Variants in DGKG observed in about 807,000 individuals in gnomAD.
DGKG encodes DAG kinase gamma.
Under a neutral mutation model 105.3 loss-of-function variants are expected in DGKG, and 78 were observed. The ratio of observed to expected loss-of-function variants is 0.74; its 90% CI spans 0.62 to 0.89. DGKG has a LOEUF of 0.89. Among genes scored for constraint, DGKG ranks in the 40% least tolerant of loss-of-function variants. DGKG has a pLI of 0.00. For synonymous variants in DGKG, 346 were observed against 367.1 expected, an observed-to-expected ratio of 0.94 and a Z score of 0.66; for missense variants, 958 against 1,020.1, an observed-to-expected ratio of 0.94 and a Z score of 0.83.
chr3:186,150,293 C>A lies in DGKG; in HGVS notation c.2278-105G>T, dbSNP rs193124874. 1,276 of 1,394,016 alleles carry A rather than the reference C, an allele frequency of 9.2e-4. 18 individuals are homozygous for A. The East Asian group carries it at 0.026, about 29-fold the overall frequency. The allele number at this position is 1,394,016 out of a possible 1,614,324, so 86.4% of individuals were successfully genotyped here. A position where few individuals can be genotyped will look rare whatever the true frequency, so the allele number is the denominator to read the frequency against. Reference sequence around the variant, plus strand: ...AAGGCCAGCTTCAGGATGGAAGGAGCCCCATGCAGAAGGACAACTGTCCTT... The same window carrying A: ...AAGGCCAGCTTCAGGATGGAAGGAGACCCATGCAGAAGGACAACTGTCCTT... On this transcript the variant is annotated intron_variant, in intron 24 of 24. Coordinates refer to ENST00000265022, the MANE Select transcript of DGKG (RefSeq NM_001346.3).
At chr3:186,287,230 C>T (rs1431762900) in intron 6 of DGKG, among the ~76,000 whole-genome samples, 1 of 151,776 alleles carries the variant, frequency 6.6e-6, no homozygotes, top group African/African-American at 2.4e-5. Flanking sequence ...TTGATAATAG[C>T]AAAAGGAATC....
At chr3:186,259,030 C>T (rs1212090360) in intron 16 of DGKG, among the ~76,000 whole-genome samples, 1 of 152,180 alleles carries the variant, frequency 6.6e-6, no homozygotes, top group Non-Finnish European at 1.5e-5. Flanking sequence ...GAGAAGAGCC[C>T]TGGAGCTTTC....
chr3:186,299,136 A>T (rs1460125660), intron 3 of DGKG, among the ~76,000 whole-genome samples: 1 of 152,204 alleles, frequency 6.6e-6, no homozygotes, highest in Non-Finnish European at 1.5e-5. Flanking sequence ...CTTTGATGGC[A>T]TCAGATTCTT....
At chr3:186,301,727 CA>C (rs983996805) in intron 3 of DGKG, among the ~76,000 whole-genome samples, 1 of 152,154 alleles carries the variant, frequency 6.6e-6, no homozygotes, top group African/African-American at 2.4e-5. Flanking sequence ...AAAATATTTG[CA>C]AAACTAAATT....
chr3:186,277,417 G>A (rs1030230987), intron 9 of DGKG, among the ~76,000 whole-genome samples: 20 of 152,214 alleles, frequency 1.3e-4, no homozygotes, highest in Non-Finnish European at 2.6e-4. Context: ...TAGATAATGA[G>A]GGACTGAATG....
chr3:186,241,212 G>C (rs990291199), intron 20 of DGKG, among the ~76,000 whole-genome samples: 3 of 152,140 alleles, frequency 2.0e-5, no homozygotes, highest in African/African-American at 7.2e-5. Context: ...AAAATGGCCA[G>C]TGATGAAAAT....
At chr3:186,270,607 C>T (rs1411623278) in intron 11 of DGKG, among the ~76,000 whole-genome samples, 1 of 152,210 alleles carries the variant, frequency 6.6e-6, no homozygotes, top group East Asian at 1.9e-4. Context: ...CTGTCATCTA[C>T]ATGGCCACAA....
chr3:186,357,249 T>G (rs1017939259), intron 1 of DGKG, among the ~76,000 whole-genome samples: 2 of 152,182 alleles, frequency 1.3e-5, no homozygotes, highest in African/African-American at 4.8e-5. Context: ...AGCAAAATTT[T>G]GCACTCTTGA....
intron 10 of DGKG, among the ~76,000 whole-genome samples, chr3:186,274,227 A>G (rs889591891): frequency 6.6e-6 from 1 of 152,082 alleles, no homozygotes; most frequent in Admixed American, 6.6e-5. Context: ...TCACTCCGTC[A>G]TCCAAGCTGG....
chr3:186,197,974 T>C (rs1718267753), intron 21 of DGKG, among the ~76,000 whole-genome samples: 1 of 152,228 alleles, frequency 6.6e-6, no homozygotes, highest in Non-Finnish European at 1.5e-5. Context: ...TATTCTGCCA[T>C]GCATTTTGCA....
intron 1 of DGKG, among the ~76,000 whole-genome samples, chr3:186,357,269 C>T (rs1029799491): frequency 5.9e-5 from 9 of 152,134 alleles, no homozygotes; most frequent in Non-Finnish European, 1.0e-4. Flanking sequence ...ATATGTGATT[C>T]AGAGTCATAA....
chr3:186,293,973 A>T (rs1166901879), intron 5 of DGKG, among the ~76,000 whole-genome samples: 1 of 152,210 alleles, frequency 6.6e-6, no homozygotes, highest in East Asian at 1.9e-4. Flanking sequence ...AGATAAAAAA[A>T]TGCTGTATAC....
chr3:186,161,852 C>G (rs1369147152), intron 23 of DGKG, among the ~76,000 whole-genome samples, 189 bp from the exon 24 acceptor site: 1 of 152,122 alleles, frequency 6.6e-6, no homozygotes, highest in Non-Finnish European at 1.5e-5. Context: ...CTTGGCAGGT[C>G]TGGGGGCCAG....
chr3:186,202,505 T>G (rs979472625), intron 21 of DGKG, among the ~76,000 whole-genome samples: 2 of 152,250 alleles, frequency 1.3e-5, no homozygotes, highest in Non-Finnish European at 2.9e-5. Flanking sequence ...AAATCTCCCA[T>G]GTGTGGTGAT....
At chr3:186,161,435 T>A (rs1716285703) in intron 24 of DGKG, 168 bp downstream of exon 24, 1 of 1,440,262 alleles carries the variant, frequency 6.9e-7, no homozygotes, top group African/African-American at 1.4e-5. Flanking sequence ...TCATTAAGAG[T>A]TGCCAGGTAA....
rs68014632 is a variant in DGKG at position 186,265,657 on chromosome 3, CTT to C, written c.1210-353_1210-352del. 9.3e-3 allele frequency among the ~76,000 whole-genome samples: 718 copies of C among 77,398 alleles called. 3 individuals are homozygous for C. Among genetic ancestry groups the C allele is most frequent in the African/African-American group, 0.032 (636 of 19,588 alleles). 50.8% of individuals were successfully genotyped at this position (77,398 alleles called of 152,430 possible). A position where few individuals can be genotyped will look rare whatever the true frequency, so the allele number is the denominator to read the frequency against. Reference sequence around the variant, plus strand: ...TTGGCGACTTGGCTTTTCTTCCTTTCTTTTTTTTTTTTTTTTTTTTTTTTGAG... The same window carrying C: ...TTGGCGACTTGGCTTTTCTTCCTTTCTTTTTTTTTTTTTTTTTTTTTTGAG... On this transcript the variant is annotated intron_variant, in intron 13 of 24. Transcript: ENST00000265022.
At chr3:186,183,201 G>T (rs141908338) in intron 22 of DGKG, among the ~76,000 whole-genome samples, 40 of 152,178 alleles carry the variant, frequency 2.6e-4, no homozygotes, top group Non-Finnish European at 4.9e-4. Context: ...ACTTGGGCTA[G>T]GCTAGGAGTC....
rs148895550 is a variant in DGKG, at chr3:186,279,901, C to T, written c.742G>A (p.Gly248Arg). ...GFVSLQEWVH[G>R]GMTTIPLLVL... is the part of the protein sequence containing the mutation. ...AGCAATGGGATGGTGGTCATCCCTC[C>T]ATGGACCCATTCCTGTAGAGACACA... Residue 248 changes from glycine to arginine, a missense_variant, in exon 9 of 25, where the codon GGA becomes AGA. Physicochemically the swap from Gly to Arg is moderately radical, Grantham distance 125. This residue lies in a region of DGKG where 643 missense variants were observed against 619.5 expected (regional missense o/e 1.04). Coordinates refer to ENST00000265022, the MANE Select transcript of DGKG (RefSeq NM_001346.3). 3.6e-5 allele frequency: 58 copies of T among 1,613,996 alleles called. No individual in the cohort carries two copies. The highest frequency in any genetic ancestry group is 1.6e-4 in the Middle Eastern group (1 of 6,084).
chr3:186,265,361 GA>G (rs1666753428), intron 13 of DGKG, 55 bp from the exon 14 acceptor site: 1 of 1,517,572 alleles, frequency 6.6e-7, no homozygotes, highest in Admixed American at 1.7e-5. Flanking sequence ...CTAACACAAA[GA>G]AAGAGATCAG....
Sources: gnomAD v4.1 joint callset for allele counts (sites outside exome capture counted in the v4.1 genomes callset) on GRCh38, gnomAD v4.1.1 for gene constraint, gnomAD v4.1.1 regional missense constraint, MANE v1.5 for transcripts, NCBI Gene and HGNC (gene_info 2026-07-23, HGNC 2026-07-21) for gene names.